Variants in ATP6V1B1 observed in about 807,000 individuals in gnomAD.
ATP6V1B1 encodes the protein ATPase H+ transporting V1 subunit B1, also known as V-type proton ATPase subunit B, kidney isoform.
Under a neutral mutation model 62.1 loss-of-function variants are expected in ATP6V1B1, and 41 were observed. That is an observed-to-expected ratio of 0.66 (90% CI 0.51 to 0.86). The LOEUF (loss-of-function observed/expected upper bound fraction) is 0.86. Ranked by LOEUF, ATP6V1B1 falls within the 40% of genes least tolerant of loss-of-function variation. The probability of loss-of-function intolerance (pLI) is 0.00; values close to 1 mark genes in which losing one functional copy is unlikely to be tolerated. For missense variants in ATP6V1B1, 651 were observed against 697.5 expected, an observed-to-expected ratio of 0.93 and a Z score of 0.75; for synonymous variants, 253 against 273.4, an observed-to-expected ratio of 0.93 and a Z score of 0.74.
At chr2:70,958,855 C>G (rs1553419534) in intron 4 of ATP6V1B1, among the ~76,000 whole-genome samples, 163 bp from the exon 5 acceptor site, 1 of 152,116 alleles carries the variant, frequency 6.6e-6, no homozygotes, top group African/African-American at 2.4e-5. Flanking sequence ...ACAGGACAGT[C>G]CTTGTAGCTG....
In ATP6V1B1 at chr2:70,965,416, A is replaced by T. The variant is rs567290165; in HGVS notation, c.*295A>T. On this transcript the variant is annotated 3_prime_UTR_variant, in exon 14 of 14. Coordinates refer to ENST00000234396, the MANE Select transcript of ATP6V1B1 (RefSeq NM_001692.4). ...AGCCCACAAAATAAAAATAAAAAGT[A>T]ACTGAGATGAATTTACCTTCGTTGA... 4.0e-6 allele frequency: 2 copies of T among 503,266 alleles called. No individual in the cohort carries two copies. The highest frequency in any genetic ancestry group is 7.2e-5 in the East Asian group (2 of 27,798). The allele number at this position is 503,266 out of a possible 1,614,324, so 31.2% of individuals were successfully genotyped here.
chr2:70,964,449 C>A lies in ATP6V1B1; in HGVS notation c.1155C>A (p.Pro385=), dbSNP rs149169747. 9.3e-6 allele frequency: 15 copies of A among 1,614,014 alleles called. No homozygotes were observed. Among genetic ancestry groups the A allele is most frequent in the African/African-American group, 1.3e-5 (1 of 74,902 alleles). ...TTCTTCTCCCTCAGATCTACCCCCC[C>A]ATCAACGTGCTCCCTTCCCTGTCGC... ...RQLHNRQIYP[P]INVLPSLSRL... is the part of the protein sequence containing the mutation. Residue 385 remains proline, a synonymous_variant, in exon 12 of 14, where the codon CCC becomes CCA. Transcript: ENST00000234396.
intron 1 of ATP6V1B1, chr2:70,940,669 T>C (rs782808823): frequency 2.6e-5 from 26 of 985,320 alleles, no homozygotes; most frequent in Admixed American, 6.2e-5. Context: ...CTTAGCCCAG[T>C]ACATCCTCTT....
rs1417262820 is a variant in ATP6V1B1 at position 70,943,726 on chromosome 2, T to C, written c.174+13T>C. 1 of 1,613,376 alleles carries C rather than the reference T, an allele frequency of 6.2e-7. No homozygotes were observed. The highest frequency in any genetic ancestry group is 1.7e-5 in the Admixed American group (1 of 60,010). Reference sequence around the variant, plus strand: ...GGACCGGGTCAAGGTAAGACTCTTCTGCTGCCTCCCTGGCACTAAGGCCAA... The same window carrying C: ...GGACCGGGTCAAGGTAAGACTCTTCCGCTGCCTCCCTGGCACTAAGGCCAA... On this transcript the variant is annotated intron_variant, in intron 2 of 13. Transcript: ENST00000234396.
intron 11 of ATP6V1B1, 137 bp from the exon 12 acceptor site, chr2:70,964,301 G>A: frequency 1.2e-6 from 1 of 843,150 alleles, no homozygotes; most frequent in Non-Finnish European, 2.0e-6. Flanking sequence ...ATTTGTGGGA[G>A]ATAAGAGAGG....
chr2:70,941,246 C>T (rs182803671), intron 1 of ATP6V1B1: 1 of 979,660 alleles, frequency 1.0e-6, no homozygotes, highest in East Asian at 1.1e-4. Flanking sequence ...TACCATATTC[C>T]CAGCACTATT....
rs782121239 is a variant in ATP6V1B1 at position 70,965,058 on chromosome 2, G to C, written c.1479G>C (p.Val493=). The change falls in exon 14 of 14, where the codon GTG becomes GTC. Residue 493 remains valine (V), a synonymous_variant. Transcript: ENST00000234396. ...KEMLKRIPQA[V]IDEFYSREGA... ...TGCTGAAGCGCATTCCGCAGGCCGTGATCGACGAGTTCTATTCCCGCGAGG... is the reference window on the plus strand; with the variant it reads ...TGCTGAAGCGCATTCCGCAGGCCGTCATCGACGAGTTCTATTCCCGCGAGG... 4 of 1,613,502 alleles carry C rather than the reference G, an allele frequency of 2.5e-6. No homozygotes were observed. Among genetic ancestry groups the C allele is most frequent in the Non-Finnish European group, 3.4e-6 (4 of 1,180,040 alleles).
At chr2:70,951,264 C>T (rs143418911) in intron 2 of ATP6V1B1, among the ~76,000 whole-genome samples, 9 of 151,972 alleles carry the variant, frequency 5.9e-5, no homozygotes, top group East Asian at 1.9e-4. Context: ...TTTGAGGGTA[C>T]GCTAAGCTCA....
At chr2:70,956,626 G>A (rs1680438694) in intron 2 of ATP6V1B1, among the ~76,000 whole-genome samples, 1 of 151,830 alleles carries the variant, frequency 6.6e-6, no homozygotes, top group Admixed American at 6.6e-5. Context: ...TTTTTGAGAC[G>A]GAGTCTTTCT....
rs782616928 is a variant in ATP6V1B1, at chr2:70,943,639, ACCCCCGCCCCTC to A, written c.119-14_119-3del. ...GGTGTTTGGGGTGAGACCCCTACTC[ACCCCCGCCCCTC>A]CCCCAGCCTACAGGACTGTGTGCAG... On this transcript the variant is annotated splice_polypyrimidine_tract_variant and splice_region_variant and intron_variant, in intron 1 of 13. Coordinates refer to ENST00000234396, the MANE Select transcript of ATP6V1B1 (RefSeq NM_001692.4). 4 of 1,601,552 alleles carry A rather than the reference ACCCCCGCCCCTC, an allele frequency of 2.5e-6. No individual in the cohort carries two copies. The highest frequency in any genetic ancestry group is 3.4e-6 in the Non-Finnish European group (4 of 1,176,406).
chr2:70,935,977 G>T lies in ATP6V1B1; in HGVS notation c.23G>T (p.Arg8Met), dbSNP rs1553415242. Residue 8 changes from arginine (R) to methionine (M), a missense_variant, in exon 1 of 14, where the codon AGG (arginine) becomes ATG (methionine). Physicochemically the swap from Arg to Met is moderately conservative, Grantham distance 91. Transcript: ENST00000234396. ...TCCATGGCCATGGAGATAGACAGCAGGCCTGGGGGGCTCCCCGGCAGTAGC... is the reference window on the plus strand; with the variant it reads ...TCCATGGCCATGGAGATAGACAGCATGCCTGGGGGGCTCCCCGGCAGTAGC... MAMEIDS[R>M]PGGLPGSSCN... is the part of the protein sequence containing the mutation. 1 of 1,613,832 alleles carries T rather than the reference G, an allele frequency of 6.2e-7. No homozygotes were observed. Among genetic ancestry groups the T allele is most frequent in the African/African-American group, 1.3e-5 (1 of 74,926 alleles).
At chr2:70,951,853 C>T (rs1045906263) in intron 2 of ATP6V1B1, among the ~76,000 whole-genome samples, 9 of 151,716 alleles carry the variant, frequency 5.9e-5, no homozygotes, top group African/African-American at 1.2e-4. Flanking sequence ...GAGCCAAGAT[C>T]GCACCATTGC....
chr2:70,957,517 G>A (rs2104824402), intron 2 of ATP6V1B1, among the ~76,000 whole-genome samples: 1 of 152,208 alleles, frequency 6.6e-6, no homozygotes, highest in South Asian at 2.1e-4. Context: ...CTGAGCAGAG[G>A]GAAGCACTTT....
intron 2 of ATP6V1B1, among the ~76,000 whole-genome samples, chr2:70,944,937 G>T (rs1680120555): frequency 6.6e-6 from 1 of 152,116 alleles, no homozygotes; most frequent in South Asian, 2.1e-4. Flanking sequence ...AAAGTGCTGG[G>T]ATTACAGGCG....
intron 2 of ATP6V1B1, chr2:70,948,642 A>G (rs1680246303): frequency 6.6e-6 from 1 of 152,038 alleles, no homozygotes; most frequent in African/African-American, 2.4e-5. Flanking sequence ...GTGGTTGAGA[A>G]CCCAAGACGC....
chr2:70,960,186 G>A, intron 6 of ATP6V1B1, 108 bp downstream of exon 6: 2 of 1,523,408 alleles, frequency 1.3e-6, no homozygotes, highest in Non-Finnish European at 1.8e-6. Flanking sequence ...GGGGCTGGCA[G>A]GGCTGGGGTC....
intron 1 of ATP6V1B1, among the ~76,000 whole-genome samples, chr2:70,937,106 CCGCCACAG>C (rs1679872477): frequency 9.9e-6 from 1 of 101,370 alleles, no homozygotes; most frequent in African/African-American, 4.7e-5. Context: ...CCAGCATGGC[CCGCCACAG>C]CTATGCAGAG....
chr2:70,940,721 T>C, intron 1 of ATP6V1B1: 1 of 985,472 alleles, frequency 1.0e-6, no homozygotes, highest in Non-Finnish European at 1.2e-6. Flanking sequence ...TGGCTGGTGC[T>C]AGGGGTGCAA....
Position 70,960,992 on chromosome 2 carries a change from C to T in ATP6V1B1, c.657C>T (p.Asp219=). Residue 219 remains aspartate (D), a synonymous_variant, in exon 7 of 14, where the codon GAC becomes GAT. Coordinates refer to ENST00000234396, the MANE Select transcript of ATP6V1B1 (RefSeq NM_001692.4). ...AGGCTGTGCTGGATTACCATGACGA[C>T]AACTTCGCCATCGTCTTTGCAGCCA... ...KSKAVLDYHD[D]NFAIVFAAMG... The T allele has an allele frequency of 1.9e-6, 3 of 1,601,320 alleles. No homozygotes were observed. The highest frequency in any genetic ancestry group is 2.6e-6 in the Non-Finnish European group (3 of 1,174,118).
Sources: allele counts gnomAD v4.1 joint callset (sites outside exome capture counted in the v4.1 genomes callset), GRCh38; gene constraint gnomAD v4.1.1; transcripts MANE v1.5; gene names NCBI Gene and HGNC (gene_info 2026-07-23, HGNC 2026-07-21).